The following ANKS1B variants were observed in gnomAD, a reference collection of about 807,000 sequenced individuals.
ANKS1B encodes ankyrin repeat and sterile alpha motif domain-containing protein 1B.
ANKS1B carries 36 observed loss-of-function variants against 148.3 expected under a neutral mutation model. The observed-to-expected ratio is 0.24, with a 90% CI of 0.19 to 0.32. The LOEUF (loss-of-function observed/expected upper bound fraction) is 0.32. ANKS1B is among the 10% of genes least tolerant of loss of function. The probability of loss-of-function intolerance (pLI) is 1.00; values close to 1 mark genes in which losing one functional copy is unlikely to be tolerated. For synonymous variants in ANKS1B, 542 were observed against 560.8 expected (o/e 0.97, Z 0.47); for missense variants, 1,157 against 1,542.6 (o/e 0.75, Z 4.19).
chr12:99,525,036 A>G (rs2096912958), intron 9 of ANKS1B, among the ~76,000 whole-genome samples: 2 of 152,194 alleles, frequency 1.3e-5, no homozygotes, highest in South Asian at 2.1e-4. Flanking sequence ...AAAGGAAAGC[A>G]GCCCTTTCTA....
chr12:98,928,181 A>G (rs1250572756), intron 17 of ANKS1B, among the ~76,000 whole-genome samples: 1 of 151,798 alleles, frequency 6.6e-6, no homozygotes, highest in Non-Finnish European at 1.5e-5. Flanking sequence ...CAAATTAAAT[A>G]ATCTTGGTGA....
chr12:98,829,127 T>C lies in ANKS1B; in HGVS notation c.3066+47A>G. 6.2e-7 allele frequency: 1 copy of C among 1,608,656 alleles called. No homozygotes were observed. The highest frequency in any genetic ancestry group is 8.5e-7 in the Non-Finnish European group (1 of 1,175,778). On this transcript the variant is annotated intron_variant, in intron 19 of 26. Coordinates refer to ENST00000683438, the MANE Select transcript of ANKS1B (RefSeq NM_001352186.2). The surrounding 1 kb of genome is among the most constrained non-coding windows in gnomAD (Gnocchi z 5.2). ...AGCTACTGTTCACTATTAAAAGGCA[T>C]TACCTGATATGGTTGAAAAATATCA...
intron 3 of ANKS1B, among the ~76,000 whole-genome samples, chr12:99,809,616 A>G (rs780451128): frequency 3.3e-5 from 5 of 152,070 alleles, no homozygotes; most frequent in Non-Finnish European, 7.4e-5. Context: ...ATCTCTCCAA[A>G]CCTATCTTAT....
At chr12:99,339,125 G>A (rs1361189436) in intron 12 of ANKS1B, among the ~76,000 whole-genome samples, 1 of 152,132 alleles carries the variant, frequency 6.6e-6, no homozygotes, top group Non-Finnish European at 1.5e-5. Context: ...TTGTGGCATA[G>A]ACCATCTTTC....
intron 14 of ANKS1B, among the ~76,000 whole-genome samples, chr12:99,158,220 T>A (rs1344081012): frequency 2.0e-5 from 3 of 152,178 alleles, no homozygotes; most frequent in Non-Finnish European, 4.4e-5. Flanking sequence ...TTACTCTCTT[T>A]ACCTAAAATA....
chr12:99,499,380 T>C (rs1006450665), intron 10 of ANKS1B, among the ~76,000 whole-genome samples: 7 of 152,174 alleles, frequency 4.6e-5, no homozygotes, highest in Non-Finnish European at 8.8e-5. Flanking sequence ...TATGTAGCCA[T>C]GCAAACTAAG....
intron 17 of ANKS1B, among the ~76,000 whole-genome samples, chr12:98,952,269 T>C (rs71462257): frequency 0.088 from 13,373 of 152,138 alleles, 733 homozygotes; most frequent in Admixed American, 0.18. Flanking sequence ...GAGGTTAAAG[T>C]GGGTCATTCA....
intron 9 of ANKS1B, among the ~76,000 whole-genome samples, chr12:99,645,168 T>A (rs2098348637): frequency 6.6e-6 from 1 of 152,244 alleles, no homozygotes; most frequent in African/African-American, 2.4e-5. Flanking sequence ...CTGTTTAAAA[T>A]ACTTAACCCA....
chr12:99,284,220 C>G (rs867247643), intron 12 of ANKS1B, among the ~76,000 whole-genome samples: 29 of 152,268 alleles, frequency 1.9e-4, no homozygotes, highest in Middle Eastern at 6.8e-3. Context: ...TATCCCTCCT[C>G]CTCTTCCCCA....
chr12:99,400,391 TTTGA>T (rs2094371578), intron 11 of ANKS1B, among the ~76,000 whole-genome samples: 2 of 145,974 alleles, frequency 1.4e-5, no homozygotes, highest in Non-Finnish European at 3.0e-5. Context: ...TTTAGTGAAC[TTTGA>T]TTTTCTTTTT....
Position 99,827,110 on chromosome 12 carries a change from C to A in ANKS1B, c.135-1721G>T, listed in dbSNP as rs1168547941. On this transcript the variant is annotated intron_variant, in intron 1 of 26. Coordinates refer to ENST00000683438, the MANE Select transcript of ANKS1B (RefSeq NM_001352186.2). ...CTCCAGCCTGGGCAACAGAGCAAGA[C>A]CCTGCCACCCCCACAACAAAAAAAA... 3.9e-5 allele frequency among the ~76,000 whole-genome samples: 6 copies of A among 151,910 alleles called. No homozygotes were observed. In the East Asian group the frequency reaches 1.2e-3, roughly 29 times the overall value.
chr12:98,941,659 CAG>C (rs1466187925), intron 17 of ANKS1B, among the ~76,000 whole-genome samples: 3 of 152,198 alleles, frequency 2.0e-5, no homozygotes, highest in Admixed American at 1.3e-4. Flanking sequence ...AAAAAAATCT[CAG>C]GGCAAATCTG....
intron 8 of ANKS1B, among the ~76,000 whole-genome samples, chr12:99,762,482 C>T (rs532932557): frequency 6.2e-4 from 94 of 151,474 alleles, no homozygotes; most frequent in Non-Finnish European, 1.1e-3. Flanking sequence ...GCTAGCCATA[C>T]GCAGAATGAA....
intron 17 of ANKS1B, among the ~76,000 whole-genome samples, chr12:98,861,673 A>T (rs1335512323): frequency 6.6e-6 from 1 of 152,268 alleles, no homozygotes; most frequent in Non-Finnish European, 1.5e-5. Flanking sequence ...GATAGCATGC[A>T]AAAGTTCTGG....
rs142537166 is a variant in ANKS1B, at chr12:99,874,000, A to ATC, written c.135-48613_135-48612dup. ...TGTGCCAATTCCTTAAAATAAATAA[A>ATC]TCTCTCTCTCTCTCTCTCTCACATA... is the stretch of plus-strand genomic sequence containing the variant. On this transcript the variant is annotated intron_variant, in intron 1 of 26. Coordinates refer to ENST00000683438, the MANE Select transcript of ANKS1B (RefSeq NM_001352186.2). Among the ~76,000 whole-genome samples the ATC allele has an allele frequency of 2.8e-3, 385 of 138,568 alleles. 6 individuals carry two copies. The highest frequency in any genetic ancestry group is 9.1e-3 in the African/African-American group (300 of 32,968). 90.9% of individuals were successfully genotyped at this position (138,568 alleles called of 152,430 possible).
intron 1 of ANKS1B, among the ~76,000 whole-genome samples, chr12:99,961,134 C>T (rs148450560): frequency 0.027 from 4,178 of 152,268 alleles, 99 homozygotes; most frequent in Non-Finnish European, 0.046. Flanking sequence ...GAGGCTGAGG[C>T]AGGAGAATTG....
At chr12:99,489,301 A>G (rs12322441) in intron 10 of ANKS1B, among the ~76,000 whole-genome samples, 14,082 of 151,770 alleles carry the variant, frequency 0.093, 1,395 homozygotes, top group African/African-American at 0.25. Context: ...TCACATTGAT[A>G]TAAAAACTAT....
chr12:99,086,726 C>T (rs75524313), intron 15 of ANKS1B, among the ~76,000 whole-genome samples: 2,980 of 152,244 alleles, frequency 0.02, 43 homozygotes, highest in Non-Finnish European at 0.031. Context: ...TAATCTTTCA[C>T]GGTTTGTAAG....
intron 25 of ANKS1B, among the ~76,000 whole-genome samples, chr12:98,752,761 G>T (rs2098127408): frequency 6.6e-6 from 1 of 151,788 alleles, no homozygotes; most frequent in Admixed American, 6.6e-5. Flanking sequence ...GGCCTTGGAA[G>T]GTAAGGGGTT....
Sources: allele counts gnomAD v4.1 joint callset (sites outside exome capture counted in the v4.1 genomes callset), GRCh38; gene constraint gnomAD v4.1.1; non-coding constraint Gnocchi (gnomAD v3.1); transcripts MANE v1.5; gene names NCBI Gene and HGNC (gene_info 2026-07-23, HGNC 2026-07-21).